The following SNAP47 variants were observed in gnomAD, a reference collection of about 807,000 sequenced individuals.
The protein encoded by SNAP47 is synaptosome associated protein 47, also known as synaptosomal-associated protein 47.
A neutral mutation model predicts 31.4 loss-of-function variants in SNAP47; 20 were observed. That is an observed-to-expected ratio of 0.64 (90% CI 0.45 to 0.93). The LOEUF (loss-of-function observed/expected upper bound fraction) is 0.93, where lower values mean the gene tolerates loss of function less well. SNAP47 is among the 40% of genes least tolerant of loss of function. SNAP47 has a pLI of 0.00. For synonymous variants in SNAP47, 194 were observed against 213.4 expected (o/e 0.91, Z 0.79); for missense variants, 492 against 528.5 (o/e 0.93, Z 0.68).
intron 4 of SNAP47, among the ~76,000 whole-genome samples, chr1:227,767,565 TTG>T (rs139092340): frequency 0.017 from 2,646 of 152,126 alleles, 36 homozygotes; most frequent in Middle Eastern, 0.024. Flanking sequence ...GTTGTGTGTG[TTG>T]TGTGTGTATG....
intron 4 of SNAP47, chr1:227,768,278 T>C: frequency 1.0e-6 from 1 of 985,474 alleles, no homozygotes; most frequent in Non-Finnish European, 1.2e-6. Context: ...AAGCTGTCTG[T>C]TGGGCTGAGA....
upstream of SNAP47, chr1:227,735,032 T>G (rs1571969722): frequency 6.4e-7 from 1 of 1,551,184 alleles, no homozygotes; most frequent in Non-Finnish European, 8.7e-7. Context: ...TAGCAGGTGG[T>G]CGAAGTCGGG....
upstream of SNAP47, chr1:227,734,352 T>TAAAA (rs56684758): frequency 7.3e-4 from 57 of 77,612 alleles, no homozygotes; most frequent in African/African-American, 2.8e-3. Context: ...CTAGTCTCTT[T>TAAAA]AAAAAAAAAA....
upstream of SNAP47, chr1:227,734,846 T>G: frequency 6.2e-7 from 1 of 1,612,344 alleles, no homozygotes; most frequent in Non-Finnish European, 8.5e-7. Context: ...CCATGCCATC[T>G]CCCTGGGCCC....
chr1:227,733,111 T>C, upstream of SNAP47: 3 of 1,468,298 alleles, frequency 2.0e-6, no homozygotes, highest in Non-Finnish European at 2.8e-6. Flanking sequence ...AGGAACCCAC[T>C]GTGGGGTCCA....
exon 1 of SNAP47, chr1:227,728,772 T>C (rs530517546): frequency 2.0e-5 from 3 of 151,718 alleles, no homozygotes; most frequent in African/African-American, 7.3e-5. Flanking sequence ...GGCGGGAAGA[T>C]GGCCGGATTT....
Position 227,741,342 on chromosome 1 carries a change from C to G in SNAP47, c.-46+5843C>G, listed in dbSNP as rs972855910. On this transcript the variant is annotated intron_variant, in intron 1 of 4. Coordinates refer to ENST00000617596, the MANE Select transcript of SNAP47 (RefSeq NM_053052.4). This position sits in a 1 kb window ranked among gnomAD's most constrained non-coding sequence, Gnocchi z 4.2. ...TGGCCAAGGAGAGTGGACGCAGGCACTCATGGAAGTGGGGCTGGAGACCTG... is the reference window on the plus strand; with the variant it reads ...TGGCCAAGGAGAGTGGACGCAGGCAGTCATGGAAGTGGGGCTGGAGACCTG... Among the ~76,000 whole-genome samples, 1 of 152,092 alleles carries G rather than the reference C, an allele frequency of 6.6e-6. No homozygotes were observed. Among genetic ancestry groups the G allele is most frequent in the Non-Finnish European group, 1.5e-5 (1 of 68,008 alleles).
chr1:227,737,143 T>C (rs1661267309), intron 1 of SNAP47, among the ~76,000 whole-genome samples: 1 of 152,206 alleles, frequency 6.6e-6, no homozygotes, highest in Admixed American at 6.5e-5. Context: ...AGTGGGGCCA[T>C]GGGGGACCCT....
At position 227,780,590 on chromosome 1, in the gene SNAP47, GC is replaced by G; in HGVS notation, c.1180del (p.Leu394TrpfsTer13). 2 of 1,614,224 alleles carry G rather than the reference GC, an allele frequency of 1.2e-6. No homozygotes were observed. The highest frequency in any genetic ancestry group is 1.7e-6 in the Non-Finnish European group (2 of 1,180,046). ...GAGTGAGCTGGAGAGACAAGACGAA[GC>G]CCTGGATGGCGTTGCAGCAGCTGTG... ...AESELERQDE[A>X]LDGVAAAVDR... is the part of the protein sequence containing the mutation. On this transcript the variant is annotated frameshift_variant, in exon 5 of 5. Coordinates refer to ENST00000617596, the MANE Select transcript of SNAP47 (RefSeq NM_053052.4). LOFTEE classifies it high-confidence loss of function.
At chr1:227,728,169 C>T (rs893011778), upstream of SNAP47, among the ~76,000 whole-genome samples, 4 of 152,208 alleles carry the variant, frequency 2.6e-5, no homozygotes, top group African/African-American at 9.6e-5. Flanking sequence ...GCTGGAACCA[C>T]AGGCGGTGAG....
chr1:227,775,684 G>A, intron 4 of SNAP47: 1 of 1,146,380 alleles, frequency 8.7e-7, no homozygotes, highest in Non-Finnish European at 1.2e-6. Context: ...CTTTGTAGGT[G>A]GGCCCACCCT....
upstream of SNAP47, chr1:227,734,783 A>G (rs977414047): frequency 5.8e-5 from 93 of 1,613,804 alleles, no homozygotes; most frequent in Non-Finnish European, 7.5e-5. Context: ...GTATTCCTGG[A>G]CCCCACAGTT....
At chr1:227,736,883 G>A (rs756242327) in intron 1 of SNAP47, among the ~76,000 whole-genome samples, 2 of 152,002 alleles carry the variant, frequency 1.3e-5, no homozygotes, top group Non-Finnish European at 2.9e-5. Context: ...TCCTCGAGAC[G>A]GGCAGTAAGG....
At chr1:227,767,574 T>TATGC (rs1663511667) in intron 4 of SNAP47, among the ~76,000 whole-genome samples, 2 of 152,142 alleles carry the variant, frequency 1.3e-5, no homozygotes, top group South Asian at 4.1e-4. Flanking sequence ...GTTGTGTGTG[T>TATGC]ATGCACATGT....
At chr1:227,778,804 A>G (rs1489945049) in intron 4 of SNAP47, among the ~76,000 whole-genome samples, 3 of 152,172 alleles carry the variant, frequency 2.0e-5, no homozygotes, top group African/African-American at 7.2e-5. Context: ...TGACCCCACC[A>G]TATACTTTCC....
chr1:227,775,620 C>T (rs2102998688), intron 4 of SNAP47, among the ~76,000 whole-genome samples: 1 of 152,382 alleles, frequency 6.6e-6, no homozygotes, highest in South Asian at 2.1e-4. Context: ...GGGACGTCTT[C>T]AGGCCCCCAG....
At chr1:227,734,095 C>T (rs11804020), upstream of SNAP47, 24,646 of 1,567,734 alleles carry the variant, frequency 0.016, 292 homozygotes, top group South Asian at 0.026. Flanking sequence ...TAGGGCAGCA[C>T]GAGTGGGGCA....
intron 4 of SNAP47, chr1:227,777,235 A>T: frequency 2.4e-6 from 1 of 413,362 alleles, no homozygotes; most frequent in Non-Finnish European, 3.3e-6. Flanking sequence ...CATGAAACAT[A>T]AAGTGATCAC....
chr1:227,780,743 C>T lies in SNAP47; in HGVS notation c.*70C>T. 1 of 1,594,842 alleles carries T rather than the reference C, an allele frequency of 6.3e-7. No individual in the cohort carries two copies. The highest frequency in any genetic ancestry group is 8.5e-7 in the Non-Finnish European group (1 of 1,169,728). On this transcript the variant is annotated 3_prime_UTR_variant, in exon 5 of 5. Transcript: ENST00000617596. ...TGAGATGGAGGGCTGGGCGGCAGTG[C>T]CAGGGCTGCAGAGGCCTGTGGCCCT...
Sources: gnomAD v4.1 joint callset for allele counts (sites outside exome capture counted in the v4.1 genomes callset) on GRCh38, gnomAD v4.1.1 for gene constraint, Gnocchi (gnomAD v3.1) non-coding constraint, MANE v1.5 for transcripts, NCBI Gene and HGNC (gene_info 2026-07-23, HGNC 2026-07-21) for gene names.